Variants in KIF1B observed in about 807,000 individuals in gnomAD.
The protein encoded by KIF1B is kinesin-like protein KIF1B.
A neutral mutation model predicts 241.9 loss-of-function variants in KIF1B; 76 were observed. That is an observed-to-expected ratio of 0.31 (90% CI 0.26 to 0.38). The LOEUF (loss-of-function observed/expected upper bound fraction) is 0.38, where lower values mean the gene tolerates loss of function less well. Ranked by LOEUF, KIF1B falls within the 10% of genes least tolerant of loss-of-function variation. KIF1B has a pLI of 1.00. For synonymous variants in KIF1B, 750 were observed against 796.7 expected (o/e 0.94, Z 0.99); for missense variants, 1,622 against 2,271.4 (o/e 0.71, Z 5.81).
At chr1:10,237,784 A>T (rs1311070129) in intron 2 of KIF1B, among the ~76,000 whole-genome samples, 1 of 152,162 alleles carries the variant, frequency 6.6e-6, no homozygotes, top group African/African-American at 2.4e-5. Context: ...AGGCAGGCAG[A>T]GTGCTTGAGT....
intron 37 of KIF1B, among the ~76,000 whole-genome samples, chr1:10,352,185 G>A (rs1046425946): frequency 6.7e-6 from 1 of 149,884 alleles, no homozygotes; most frequent in African/African-American, 2.5e-5. Flanking sequence ...AACGGGGGAG[G>A]TGTGAATAGC....
Position 10,374,736 on chromosome 1 carries a change from C to G in KIF1B, c.5097-118C>G. On this transcript the variant is annotated intron_variant, in intron 46 of 48. Transcript: ENST00000676179. This position sits in a 1 kb window ranked among gnomAD's most constrained non-coding sequence, Gnocchi z 4.3. ...AGATAAGATTCTAGGCCAAATAGGT[C>G]ATTTGCCTGTTTCATCGAATCTAAG... 1 of 1,038,354 alleles carries G rather than the reference C, an allele frequency of 9.6e-7. No individual in the cohort carries two copies. The highest frequency in any genetic ancestry group is 1.5e-6 in the Non-Finnish European group (1 of 673,404). The allele number at this position is 1,038,354 out of a possible 1,614,324, so 64.3% of individuals were successfully genotyped here.
rs1406822456 is a variant in KIF1B, at chr1:10,374,256, T to A, written c.4947-60T>A. On this transcript the variant is annotated intron_variant, in intron 45 of 48. Coordinates refer to ENST00000676179, the MANE Select transcript of KIF1B (RefSeq NM_001365951.3). This position sits in a 1 kb window ranked among gnomAD's most constrained non-coding sequence, Gnocchi z 4.3. ...CCTCCCAGTGAAACAGTACTCAGTA[T>A]GCCTTGATTGTAACTGATTCTCTTG... The A allele has an allele frequency of 6.5e-7, 1 of 1,547,656 alleles. No individual in the cohort carries two copies. The highest frequency in any genetic ancestry group is 2.2e-5 in the East Asian group (1 of 44,574).
intron 1 of KIF1B, among the ~76,000 whole-genome samples, chr1:10,228,842 C>T (rs1344386656): frequency 1.3e-5 from 2 of 152,100 alleles, no homozygotes; most frequent in African/African-American, 4.8e-5. Flanking sequence ...TTAGAAGTTT[C>T]CATATGGTAT....
chr1:10,256,286 C>T lies in KIF1B; in HGVS notation c.146C>T (p.Ser49Phe). 6.2e-7 allele frequency: 1 copy of T among 1,612,666 alleles called. No homozygotes were observed. The highest frequency in any genetic ancestry group is 8.5e-7 in the Non-Finnish European group (1 of 1,178,664). ...NPKNPKEAPK[S>F]FSFDYSYWSH... ...AAGAATCCAAAGGAAGCTCCAAAGTCCTTCAGCTTCGACTATTCCTACTGG... is the reference window on the plus strand; with the variant it reads ...AAGAATCCAAAGGAAGCTCCAAAGTTCTTCAGCTTCGACTATTCCTACTGG... Residue 49 changes from serine (S) to phenylalanine (F), a missense_variant, in exon 3 of 49, where the codon TCC becomes TTC. By Grantham distance (155) the Ser-to-Phe change is radical. Around this residue, in one of 7 missense-constraint regions of KIF1B, gnomAD observed 156 missense variants for 244.8 expected, o/e 0.64. Transcript: ENST00000676179.
chr1:10,219,415 A>G (rs1230747019), intron 1 of KIF1B, among the ~76,000 whole-genome samples: 4 of 151,428 alleles, frequency 2.6e-5, no homozygotes, highest in South Asian at 2.1e-4. Context: ...AGCCGAGATC[A>G]TGCCATTGCA....
At chr1:10,306,782 A>ATGTT in intron 22 of KIF1B, 1 of 1,002,006 alleles carries the variant, frequency 1.0e-6, no homozygotes, top group Non-Finnish European at 1.2e-6. Context: ...AAAAAAAAAA[A>ATGTT]AAGGTAATAT....
At chr1:10,314,949 A>C (rs990397360) in intron 22 of KIF1B, among the ~76,000 whole-genome samples, 3 of 151,328 alleles carry the variant, frequency 2.0e-5, no homozygotes, top group African/African-American at 7.4e-5. Context: ...TAGGTAAAGC[A>C]GCAGCTTTCT....
At chr1:10,252,079 G>T (rs1647482179) in intron 2 of KIF1B, among the ~76,000 whole-genome samples, 1 of 151,898 alleles carries the variant, frequency 6.6e-6, no homozygotes, top group Non-Finnish European at 1.5e-5. Flanking sequence ...TTGCTCTGTT[G>T]CCCAGGCTGG....
intron 44 of KIF1B, among the ~76,000 whole-genome samples, chr1:10,370,333 C>T (rs949527091): frequency 2.6e-5 from 4 of 151,910 alleles, no homozygotes; most frequent in African/African-American, 7.3e-5. Context: ...AGGTCAAGGT[C>T]GATGGATCTC....
chr1:10,305,887 T>C, intron 22 of KIF1B: 3 of 1,052,866 alleles, frequency 2.8e-6, no homozygotes, highest in Non-Finnish European at 3.4e-6. Flanking sequence ...GAGCCAGAGA[T>C]GTCCGAAATT....
At chr1:10,294,767 C>T (rs1431725167) in intron 17 of KIF1B, among the ~76,000 whole-genome samples, 1 of 152,088 alleles carries the variant, frequency 6.6e-6, no homozygotes, top group East Asian at 1.9e-4. Flanking sequence ...ACTTGAGAGG[C>T]TGAGGCAGGA....
In KIF1B at chr1:10,378,324, C is replaced by G. The variant is rs1397892340; in HGVS notation, c.*1737C>G. ...GAGGAAGCTCACTGTGGACAGTCTT[C>G]TTTCCTTCTGACAGACCAGGTCATC... is the stretch of plus-strand genomic sequence containing the variant. On this transcript the variant is annotated 3_prime_UTR_variant, in exon 49 of 49. Coordinates refer to ENST00000676179, the MANE Select transcript of KIF1B (RefSeq NM_001365951.3). 7.0e-6 allele frequency: 5 copies of G among 717,830 alleles called. No individual in the cohort carries two copies. In the African/African-American group the frequency reaches 7.0e-5, roughly 10 times the overall value. 44.5% of individuals were successfully genotyped at this position (717,830 alleles called of 1,614,324 possible). A position where few individuals can be genotyped will look rare whatever the true frequency, so the allele number is the denominator to read the frequency against.
intron 22 of KIF1B, chr1:10,307,779 A>G (rs1042088920): frequency 3.9e-6 from 4 of 1,037,592 alleles, no homozygotes; most frequent in Admixed American, 5.6e-5. Flanking sequence ...TCCGACATTA[A>G]TGGGAATATA....
chr1:10,284,897 T>G (rs1649613743), intron 15 of KIF1B, among the ~76,000 whole-genome samples: 1 of 152,090 alleles, frequency 6.6e-6, no homozygotes, highest in African/African-American at 2.4e-5. Flanking sequence ...TGTGCTTGTT[T>G]CTTCCTTCAG....
intron 1 of KIF1B, among the ~76,000 whole-genome samples, chr1:10,221,793 TG>T (rs1372598446): frequency 6.6e-6 from 1 of 152,194 alleles, no homozygotes; most frequent in Non-Finnish European, 1.5e-5. Flanking sequence ...AATTTGTTTT[TG>T]TATAACAAAC....
chr1:10,274,198 A>AG (rs1209994746), intron 10 of KIF1B, among the ~76,000 whole-genome samples: 2 of 106,890 alleles, frequency 1.9e-5, no homozygotes, highest in African/African-American at 9.0e-5. Context: ...TCGGCCTCCC[A>AG]AAGTACTGGG....
At chr1:10,323,440 G>A (rs1210228752) in intron 24 of KIF1B, among the ~76,000 whole-genome samples, 1 of 152,120 alleles carries the variant, frequency 6.6e-6, no homozygotes, top group Non-Finnish European at 1.5e-5. Flanking sequence ...GGGCAATGTG[G>A]TTAAACCCCA....
chr1:10,275,674 C>T (rs939961604), intron 11 of KIF1B, among the ~76,000 whole-genome samples, 171 bp downstream of exon 11: 1 of 152,120 alleles, frequency 6.6e-6, no homozygotes, highest in African/African-American at 2.4e-5. Flanking sequence ...GTTGGATTCC[C>T]TTGGTTTTAA....
Sources: gnomAD v4.1 joint callset for allele counts (sites outside exome capture counted in the v4.1 genomes callset) on GRCh38, gnomAD v4.1.1 for gene constraint, gnomAD v4.1.1 regional missense constraint, Gnocchi (gnomAD v3.1) non-coding constraint, MANE v1.5 for transcripts, NCBI Gene and HGNC (gene_info 2026-07-23, HGNC 2026-07-21) for gene names.